Variants in APBB1 observed in about 807,000 individuals in gnomAD.
APBB1 encodes adaptor protein FE65a2.
A neutral mutation model predicts 78.4 loss-of-function variants in APBB1; 22 were observed. The observed-to-expected ratio is 0.28, with a 90% confidence interval of 0.20 to 0.40. The LOEUF (loss-of-function observed/expected upper bound fraction) is 0.40, where lower values mean the gene tolerates loss of function less well. APBB1 is among the 10% of genes least tolerant of loss of function. The pLI is 1.00. For missense variants in APBB1, 749 were observed against 932.4 expected, an observed-to-expected ratio of 0.80 and a Z score of 2.56; for synonymous variants, 369 against 372.7, an observed-to-expected ratio of 0.99 and a Z score of 0.12.
At position 6,403,575 on chromosome 11, in the gene APBB1, T is replaced by C. The variant is rs779387704; in HGVS notation, c.898-31A>G. Reference sequence around the variant, plus strand: ...AGGAGGGATGGGAGTAGTGAGTGAGTGTCCTATCCTACTCCAGCAGCACAC... The same window carrying C: ...AGGAGGGATGGGAGTAGTGAGTGAGCGTCCTATCCTACTCCAGCAGCACAC... On this transcript the variant is annotated intron_variant, in intron 3 of 14. Transcript: ENST00000609360. The surrounding 1 kb of genome is among the most constrained non-coding windows in gnomAD (Gnocchi z 5.3). 5.0e-6 allele frequency: 8 copies of C among 1,612,900 alleles called. No homozygotes were observed. Among genetic ancestry groups the C allele is most frequent in the South Asian group, 3.3e-5 (3 of 91,040 alleles).
At position 6,415,662 on chromosome 11, in the gene APBB1, T is replaced by C. The variant is rs374992663; in HGVS notation, c.-15+3323A>G. Among the ~76,000 whole-genome samples, 100 of 152,304 alleles carry C rather than the reference T, an allele frequency of 6.6e-4. 1 individual carries two copies. Among genetic ancestry groups the C allele is most frequent in the African/African-American group, 2.4e-3 (100 of 41,566 alleles). Reference sequence around the variant, plus strand: ...CGTCTCAGAGGCTGATCTCCCCTCCTGATTCACAGAGGAAAGGGAAGCCAT... The same window carrying C: ...CGTCTCAGAGGCTGATCTCCCCTCCCGATTCACAGAGGAAAGGGAAGCCAT... On this transcript the variant is annotated intron_variant, in intron 1 of 14. Transcript: ENST00000609360.
chr11:6,410,487 G>T, intron 2 of APBB1, 140 bp downstream of exon 2: 1 of 639,244 alleles, frequency 1.6e-6, no homozygotes, highest in Non-Finnish European at 2.5e-6. Context: ...CTCTCTGAAT[G>T]AAAAAGCCTG....
In APBB1 at chr11:6,411,330, T is replaced by G; in HGVS notation, c.18A>C (p.Ser6=). Residue 6 remains serine (S), a synonymous_variant, in exon 2 of 15, where the codon TCA becomes TCC. Transcript: ENST00000609360. This position sits in a 1 kb window ranked among gnomAD's most constrained non-coding sequence, Gnocchi z 5.2. ...TGGCATTAATGGCCGACTGGCTCAG[T>G]GATGATGGAACAGACATGGCCTTGG... MSVPS[S]LSQSAINANS... is the part of the protein sequence containing the mutation. 1 of 1,546,072 alleles carries G rather than the reference T, an allele frequency of 6.5e-7. No individual in the cohort carries two copies. The highest frequency in any genetic ancestry group is 1.4e-5 in the African/African-American group (1 of 72,990).
chr11:6,395,654 G>A lies in APBB1; in HGVS notation c.2013C>T (p.Ser671=). The A allele has an allele frequency of 6.3e-7, 1 of 1,594,072 alleles. No homozygotes were observed. Among genetic ancestry groups the A allele is most frequent in the Non-Finnish European group, 8.6e-7 (1 of 1,168,870 alleles). The change falls in exon 15 of 15, where the codon TCC becomes TCT. Residue 671 remains serine, a synonymous_variant. Coordinates refer to ENST00000609360, the MANE Select transcript of APBB1 (RefSeq NM_001164.5). The surrounding 1 kb of genome is among the most constrained non-coding windows in gnomAD (Gnocchi z 5.2). The stretch of plus-strand genomic sequence containing the variant: ...ACTCAGCAGGGGGTGCTGGGAGGCA[G>A]GAGGTGGAGGCCTGGGAACGGGCAT... ...CLDARSQAST[S]CLPAPPAESV... is the part of the protein sequence containing the mutation.
At chr11:6,417,138 CA>C (rs1242836345) in intron 1 of APBB1, among the ~76,000 whole-genome samples, 1 of 152,242 alleles carries the variant, frequency 6.6e-6, no homozygotes, top group Admixed American at 6.5e-5. Context: ...CACTGCTCTG[CA>C]GCCTCAGTAG....
chr11:6,396,078 G>T (rs754905667), intron 13 of APBB1, 22 bp downstream of exon 13: 13 of 1,586,352 alleles, frequency 8.2e-6, no homozygotes, highest in Non-Finnish European at 1.1e-5. Context: ...GCGCAGCCAC[G>T]ACTTCTACCC....
At chr11:6,407,448 C>T (rs547044068) in intron 2 of APBB1, among the ~76,000 whole-genome samples, 3 of 152,348 alleles carry the variant, frequency 2.0e-5, no homozygotes, top group South Asian at 4.1e-4. Flanking sequence ...CTGACTCACA[C>T]CCCCTAGTCT....
chr11:6,406,362 C>T (rs1276726517), intron 2 of APBB1, among the ~76,000 whole-genome samples: 5 of 152,128 alleles, frequency 3.3e-5, no homozygotes, highest in Non-Finnish European at 7.4e-5. Context: ...TTCTCTCCAC[C>T]CCACATAACT....
upstream of APBB1, chr11:6,419,227 G>A: frequency 3.3e-6 from 1 of 298,854 alleles, no homozygotes; most frequent in Non-Finnish European, 6.1e-6. Flanking sequence ...CCCTGCGGGC[G>A]GCCCTCGGAC....
Position 6,410,773 on chromosome 11 carries a change from G to C in APBB1, c.575C>G (p.Pro192Arg), listed in dbSNP as rs991201190. The part of the protein sequence containing the change: ...PLESVEAPPR[P>R]QALTDGPREH... ...CCGGGGGCCATCTGTAAGGGCTTGG[G>C]GCCTGGGAGGGGCCTCCACACTCTC... The change falls in exon 2 of 15, where the codon CCC becomes CGC. Residue 192 changes from proline to arginine, a missense_variant. Pro to Arg is a moderately radical substitution (Grantham distance 103). Around this residue, in one of 3 missense-constraint regions of APBB1, gnomAD observed 635 missense variants for 765.0 expected, o/e 0.83. Coordinates refer to ENST00000609360, the MANE Select transcript of APBB1 (RefSeq NM_001164.5). 1 of 1,602,222 alleles carries C rather than the reference G, an allele frequency of 6.2e-7. No individual in the cohort carries two copies. The highest frequency in any genetic ancestry group is 8.5e-7 in the Non-Finnish European group (1 of 1,172,936).
chr11:6,395,833 C>T lies in APBB1; in HGVS notation c.1918G>A (p.Glu640Lys), dbSNP rs1762862763. Residue 640 changes from glutamate (E) to lysine (K), a missense_variant, in exon 14 of 15, where the codon GAG becomes AAG. Transcript: ENST00000609360. This position sits in a 1 kb window ranked among gnomAD's most constrained non-coding sequence, Gnocchi z 5.2. ...TCTGAGAGGCTGGCAGCATTGGGCTCGCACCAGAACATGTGGCAGCAGAAG... is the reference window on the plus strand; with the variant it reads ...TCTGAGAGGCTGGCAGCATTGGGCTTGCACCAGAACATGTGGCAGCAGAAG... ...ASFCCHMFWCEPNAASLSEAV... is the reference protein window; with the variant it reads ...ASFCCHMFWCKPNAASLSEAV... 1.9e-6 allele frequency: 3 copies of T among 1,614,070 alleles called. No individual in the cohort carries two copies. The highest frequency in any genetic ancestry group is 1.3e-5 in the African/African-American group (1 of 75,014).
At chr11:6,419,154 T>A (rs1408784100), upstream of APBB1, 1 of 344,944 alleles carries the variant, frequency 2.9e-6, no homozygotes, top group Non-Finnish European at 5.2e-6. Flanking sequence ...GGCGCCATCT[T>A]GGGGCGGGCG....
rs1004863475 is a variant in APBB1 at position 6,396,243 on chromosome 11, T to C, written c.1673-28A>G. The stretch of plus-strand genomic sequence containing the variant: ...AGAACATATGGACACAAGATACCAC[T>C]GAGGGTAGACAGAGGATACCCCAGC... On this transcript the variant is annotated intron_variant, in intron 12 of 14. Transcript: ENST00000609360. 4 of 1,538,834 alleles carry C rather than the reference T, an allele frequency of 2.6e-6. No individual in the cohort carries two copies. In the South Asian group the frequency reaches 4.8e-5, roughly 18 times the overall value.
intron 2 of APBB1, chr11:6,404,059 C>A: frequency 2.2e-6 from 1 of 447,768 alleles, no homozygotes; most frequent in East Asian, 3.3e-5. Context: ...TGTGGCCACA[C>A]TGTGGAAAGG....
At position 6,417,333 on chromosome 11, in the gene APBB1, C is replaced by A. The variant is rs574530241; in HGVS notation, c.-15+1652G>T. Among the ~76,000 whole-genome samples the A allele has an allele frequency of 2.0e-5, 3 of 152,284 alleles. No individual in the cohort carries two copies. The South Asian group carries it at 6.2e-4, about 32-fold the overall frequency. On this transcript the variant is annotated intron_variant, in intron 1 of 14. Coordinates refer to ENST00000609360, the MANE Select transcript of APBB1 (RefSeq NM_001164.5). ...TCCTCCAACCCTCTCTCCCTATCCC[C>A]GAGACCAGTTTAGCTACTGCTCTTG...
rs1363355004 is a variant in APBB1, at chr11:6,396,151, G to A, written c.1737C>T (p.Thr579=). The A allele has an allele frequency of 6.4e-7, 1 of 1,553,350 alleles. No individual in the cohort carries two copies. The highest frequency in any genetic ancestry group is 8.7e-7 in the Non-Finnish European group (1 of 1,148,056). ...CAGGGGCCACACTGACATGACTTGGGGTCCATTGTTCACGGCTGCTGGAGG... is the reference window on the plus strand; with the variant it reads ...CAGGGGCCACACTGACATGACTTGGAGTCCATTGTTCACGGCTGCTGGAGG... ...VLSSSSREQW[T]PSHVSVAPAT... Residue 579 remains threonine, a synonymous_variant, in exon 13 of 15, where the codon ACC becomes ACT. Coordinates refer to ENST00000609360, the MANE Select transcript of APBB1 (RefSeq NM_001164.5).
At chr11:6,409,653 G>A (rs369269647) in intron 2 of APBB1, among the ~76,000 whole-genome samples, 4 of 146,352 alleles carry the variant, frequency 2.7e-5, no homozygotes, top group Non-Finnish European at 2.9e-5. Context: ...TATTGTGTCC[G>A]CCACCTGGTA....
chr11:6,403,854 C>A lies in APBB1; in HGVS notation c.722-32G>T. On this transcript the variant is annotated intron_variant, in intron 2 of 14. Transcript: ENST00000609360. This position sits in a 1 kb window ranked among gnomAD's most constrained non-coding sequence, Gnocchi z 5.3. Reference sequence around the variant, plus strand: ...GGTGGGAGGCTTGGTGAGGGTCAGCCTACCCAAAGAGCAGACAGCTGGTGC... The same window carrying A: ...GGTGGGAGGCTTGGTGAGGGTCAGCATACCCAAAGAGCAGACAGCTGGTGC... 6.6e-7 allele frequency: 1 copy of A among 1,523,652 alleles called. No individual in the cohort carries two copies. The highest frequency in any genetic ancestry group is 8.8e-7 in the Non-Finnish European group (1 of 1,135,132). The allele number at this position is 1,523,652 out of a possible 1,614,324, so 94.4% of individuals were successfully genotyped here.
chr11:6,418,074 G>C (rs888820514), intron 1 of APBB1, among the ~76,000 whole-genome samples: 5 of 152,222 alleles, frequency 3.3e-5, no homozygotes, highest in Non-Finnish European at 5.9e-5. Flanking sequence ...AGAAAGAACA[G>C]ATACTGAGAG....
Sources: allele counts gnomAD v4.1 joint callset (sites outside exome capture counted in the v4.1 genomes callset), GRCh38; gene constraint gnomAD v4.1.1; regional missense constraint gnomAD v4.1.1; non-coding constraint Gnocchi (gnomAD v3.1); transcripts MANE v1.5; gene names NCBI Gene and HGNC (gene_info 2026-07-23, HGNC 2026-07-21).